Variants in KIF26B observed in about 807,000 individuals in gnomAD.
KIF26B encodes kinesin-like protein KIF26B.
In KIF26B, 63 loss-of-function variants were observed where a neutral mutation model predicts 151.2. The ratio of observed to expected loss-of-function variants is 0.42; its 90% CI spans 0.34 to 0.51. The LOEUF (loss-of-function observed/expected upper bound fraction) is 0.51. Among genes scored for constraint, KIF26B ranks in the 20% least tolerant of loss-of-function variants. The pLI is 0.07. For missense variants in KIF26B, 2,813 were observed against 2,913.6 expected (o/e 0.97, Z 0.79); for synonymous variants, 1,357 against 1,262.1 (o/e 1.08, Z -1.59).
intron 12 of KIF26B, among the ~76,000 whole-genome samples, chr1:245,691,439 G>A (rs1213456999): frequency 6.6e-6 from 1 of 152,256 alleles, no homozygotes; most frequent in Non-Finnish European, 1.5e-5. Flanking sequence ...TTTGTGATGA[G>A]CTGCTGTAGA....
chr1:245,407,208 A>G (rs1674155625), intron 3 of KIF26B, among the ~76,000 whole-genome samples: 1 of 151,976 alleles, frequency 6.6e-6, no homozygotes, highest in Non-Finnish European at 1.5e-5. Context: ...TGTAGCTGAA[A>G]CTCATGCCCG....
chr1:245,374,094 AATATATATATATATATATATATATAT>A (rs74163045), intron 3 of KIF26B, among the ~76,000 whole-genome samples: 376 of 22,198 alleles, frequency 0.017, 14 homozygotes, highest in South Asian at 0.029. Flanking sequence ...AAAAAAAAAA[AATATATATATATATATATATATATAT>A]ATATATATAT....
At chr1:245,354,498 G>T (rs1672639524) in intron 2 of KIF26B, among the ~76,000 whole-genome samples, 1 of 152,220 alleles carries the variant, frequency 6.6e-6, no homozygotes, top group African/African-American at 2.4e-5. Flanking sequence ...TGAACAGCTG[G>T]TGACACTGTC....
At chr1:245,219,297 C>T (rs563893810) in intron 2 of KIF26B, among the ~76,000 whole-genome samples, 23 of 151,962 alleles carry the variant, frequency 1.5e-4, no homozygotes, top group Non-Finnish European at 2.6e-4. Flanking sequence ...CGCCACCACG[C>T]GCAGCTAATT....
intron 2 of KIF26B, among the ~76,000 whole-genome samples, chr1:245,169,150 G>A (rs546912378): frequency 6.6e-6 from 1 of 151,942 alleles, no homozygotes; most frequent in East Asian, 1.9e-4. Context: ...TCCTTCCACC[G>A]AGCTCTCTGC....
At chr1:245,362,557 C>T (rs1298648036) in intron 2 of KIF26B, among the ~76,000 whole-genome samples, 1 of 151,706 alleles carries the variant, frequency 6.6e-6, no homozygotes, top group African/African-American at 2.4e-5. Context: ...AAAAATTTTC[C>T]TGAGGAAGAA....
In KIF26B at chr1:245,177,215, T is replaced by A. The variant is rs141639124; in HGVS notation, c.465+20532T>A. ...CGCCTCCTGCCTTGGCCTCTCAAAG[T>A]GCTGGGATTATAGGTATGAGTCACT... On this transcript the variant is annotated intron_variant, in intron 2 of 14. Transcript: ENST00000407071. Among the ~76,000 whole-genome samples the A allele has an allele frequency of 1.9e-3, 295 of 152,328 alleles. 3 individuals are homozygous for A. Among genetic ancestry groups the A allele is most frequent in the East Asian group, 4.6e-3 (24 of 5,182 alleles).
At position 245,672,525 on chromosome 1, in the gene KIF26B, T is replaced by G. The variant is rs147572299; in HGVS notation, c.2259-11708T>G. Among the ~76,000 whole-genome samples, 600 of 152,298 alleles carry G rather than the reference T, an allele frequency of 3.9e-3. 12 individuals are homozygous for G. The East Asian group carries it at 0.043, about 11-fold the overall frequency. ...TGTCATCCCTCCTGGAAGGTTACCC[T>G]GTAACACAAGGCGTGCCCACTGACA... is the stretch of plus-strand genomic sequence containing the variant. On this transcript the variant is annotated intron_variant, in intron 10 of 14. Transcript: ENST00000407071.
chr1:245,506,243 G>A (rs1326946815), intron 4 of KIF26B, among the ~76,000 whole-genome samples: 2 of 152,138 alleles, frequency 1.3e-5, no homozygotes, highest in Non-Finnish European at 2.9e-5. Flanking sequence ...ACACTCCTGT[G>A]TTTTGGGGTC....
rs548607580 is a variant in KIF26B, at chr1:245,609,198, T to C, written c.1652-68T>C. 259 of 1,435,212 alleles carry C rather than the reference T, an allele frequency of 1.8e-4. 2 individuals carry two copies. The South Asian group carries it at 3.6e-3, about 20-fold the overall frequency. The allele number at this position is 1,435,212 out of a possible 1,614,324, so 88.9% of individuals were successfully genotyped here. A position where few individuals can be genotyped will look rare whatever the true frequency, so the allele number is the denominator to read the frequency against. ...CTTTCTTCTATATCCTTGGCATCTA[T>C]TTTGGAGACTCCGTGGAATGATGCC... On this transcript the variant is annotated intron_variant, in intron 7 of 14. Transcript: ENST00000407071.
chr1:245,169,354 T>TGTGTGCGC (rs1252291770), intron 2 of KIF26B, among the ~76,000 whole-genome samples: 6 of 151,880 alleles, frequency 4.0e-5, no homozygotes, highest in Non-Finnish European at 8.8e-5. Flanking sequence ...TGTGTGTGTG[T>TGTGTGCGC]GTGTGTGTGC....
intron 2 of KIF26B, among the ~76,000 whole-genome samples, chr1:245,313,756 AC>A (rs1274111186): frequency 6.6e-6 from 1 of 152,344 alleles, no homozygotes; most frequent in East Asian, 1.9e-4. Context: ...AAGTCTCTGC[AC>A]ATGATCAGCT....
intron 9 of KIF26B, 107 bp downstream of exon 9, chr1:245,612,083 TG>T (rs1160959727): frequency 1.4e-6 from 1 of 701,790 alleles, no homozygotes; most frequent in East Asian, 2.8e-5. Flanking sequence ...TGTGTGTGTG[TG>T]TGTGTGTGTG....
intron 9 of KIF26B, among the ~76,000 whole-genome samples, chr1:245,634,312 C>T (rs938305797): frequency 2.0e-5 from 3 of 152,150 alleles, no homozygotes; most frequent in Admixed American, 6.5e-5. Context: ...ATCTGGATAT[C>T]GTTCATTTAT....
chr1:245,641,759 T>C (rs1040708502), intron 9 of KIF26B, among the ~76,000 whole-genome samples: 1 of 152,350 alleles, frequency 6.6e-6, no homozygotes, highest in East Asian at 1.9e-4. Context: ...TCCTTAAAAC[T>C]GCTATTTTGA....
chr1:245,501,331 G>A (rs1442559628), intron 4 of KIF26B, among the ~76,000 whole-genome samples: 1 of 152,208 alleles, frequency 6.6e-6, no homozygotes, highest in Admixed American at 6.5e-5. Flanking sequence ...GAGTCGTAAT[G>A]AGGGTTAAAT....
chr1:245,687,671 G>T lies in KIF26B; in HGVS notation c.4688G>T (p.Gly1563Val), dbSNP rs774578200. 24 of 1,577,934 alleles carry T rather than the reference G, an allele frequency of 1.5e-5. No homozygotes were observed. The highest frequency in any genetic ancestry group is 2.1e-5 in the Non-Finnish European group (24 of 1,162,254). The change falls in exon 12 of 15, where the codon GGG (glycine) becomes GTG (valine). Residue 1563 changes from glycine (G) to valine (V), a missense_variant. Transcript: ENST00000407071. The surrounding 1 kb of genome is among the most constrained non-coding windows in gnomAD (Gnocchi z 4.9). ...LSYYCAAETN[G>V]VGAASGTPPS... ...TATTACTGCGCTGCTGAGACCAACG[G>T]GGTGGGTGCAGCCTCGGGCACCCCG... is the stretch of plus-strand genomic sequence containing the variant.
intron 2 of KIF26B, among the ~76,000 whole-genome samples, chr1:245,257,110 C>T (rs1670550418): frequency 6.6e-6 from 1 of 152,176 alleles, no homozygotes; most frequent in Non-Finnish European, 1.5e-5. Flanking sequence ...CAGACACTCC[C>T]TTCTATTGAT....
At chr1:245,615,867 A>C (rs2103158098) in intron 9 of KIF26B, among the ~76,000 whole-genome samples, 1 of 152,344 alleles carries the variant, frequency 6.6e-6, no homozygotes, top group South Asian at 2.1e-4. Flanking sequence ...TGTTTAAAAT[A>C]TAATGAGGAG....
Sources: allele counts gnomAD v4.1 joint callset (sites outside exome capture counted in the v4.1 genomes callset), GRCh38; gene constraint gnomAD v4.1.1; non-coding constraint Gnocchi (gnomAD v3.1); transcripts MANE v1.5; gene names NCBI Gene and HGNC (gene_info 2026-07-23, HGNC 2026-07-21).